APOL5: variants seen among roughly 807,000 people sequenced by gnomAD.
APOL5 encodes the protein apolipoprotein L, 5.
APOL5 carries 29 observed loss-of-function variants against 35.5 expected under a neutral mutation model. That is an observed-to-expected ratio of 0.82 (90% confidence interval 0.61 to 1.11). The LOEUF is 1.11. APOL5 is among the 50% of genes most tolerant of loss of function. APOL5 has a pLI of 0.00. For synonymous variants in APOL5, 188 were observed against 200.2 expected (o/e 0.94, Z 0.51); for missense variants, 514 against 530.4 (o/e 0.97, Z 0.30).
Position 35,724,473 on chromosome 22 carries a change from T to C in APOL5, c.143-1738T>C, listed in dbSNP as rs1444333829. Among the ~76,000 whole-genome samples, 9 of 152,278 alleles carry C rather than the reference T, an allele frequency of 5.9e-5. No individual in the cohort carries two copies. The East Asian group carries it at 9.6e-4, about 16-fold the overall frequency. Reference sequence around the variant, plus strand: ...TTTAATCAAATTGGTGACAACTTGTTATATATGTATACATTATAAATGTAT... The same window carrying C: ...TTTAATCAAATTGGTGACAACTTGTCATATATGTATACATTATAAATGTAT... On this transcript the variant is annotated intron_variant, in intron 2 of 4. Transcript: ENST00000249044.
rs1299564048 is a variant in APOL5 at position 35,727,059 on chromosome 22, G to A, written c.991G>A (p.Ala331Thr). The change falls in exon 3 of 5, where the codon GCA becomes ACA. Residue 331 changes from alanine (A) to threonine (T), a missense_variant. By Grantham distance (58) the Ala-to-Thr change is moderately conservative. This residue lies in a region of APOL5 where 238 missense variants were observed against 229.1 expected (regional missense o/e 1.04). Transcript: ENST00000249044. ...ARTETAEELR[A>T]LAKKLEQELD... ...GACGGAGACAGCAGAGGAACTGAGAGCACTTGCTAAGAAGCTGGAGCAGGA... is the reference window on the plus strand; with the variant it reads ...GACGGAGACAGCAGAGGAACTGAGAACACTTGCTAAGAAGCTGGAGCAGGA... 6.2e-7 allele frequency: 1 copy of A among 1,613,674 alleles called. No individual in the cohort carries two copies. The highest frequency in any genetic ancestry group is 8.5e-7 in the Non-Finnish European group (1 of 1,180,026).
intron 2 of APOL5, among the ~76,000 whole-genome samples, chr22:35,725,636 A>T (rs1927123780): frequency 1.3e-5 from 2 of 152,178 alleles, no homozygotes; most frequent in Admixed American, 6.5e-5. Context: ...GTTGAAGCTG[A>T]AATCATAGGA....
At chr22:35,725,571 T>TA (rs1368273931) in intron 2 of APOL5, among the ~76,000 whole-genome samples, 2 of 151,986 alleles carry the variant, frequency 1.3e-5, no homozygotes, top group African/African-American at 4.8e-5. Context: ...TTTTTTTTTT[T>TA]AAAGGATAAT....
chr22:35,720,458 C>A, intron 1 of APOL5, 110 bp from the exon 2 acceptor site: 1 of 761,022 alleles, frequency 1.3e-6, no homozygotes, highest in African/African-American at 1.8e-5. Context: ...TTTTTTTTTT[C>A]TAATTCTCCA....
At chr22:35,724,669 C>T (rs1482417815) in intron 2 of APOL5, among the ~76,000 whole-genome samples, 3 of 151,952 alleles carry the variant, frequency 2.0e-5, no homozygotes, top group Non-Finnish European at 2.9e-5. Context: ...AGTGCTATGG[C>T]GCGATCTCGG....
intron 2 of APOL5, 62 bp from the exon 3 acceptor site, chr22:35,726,149 C>T (rs551857834): frequency 1.1e-5 from 17 of 1,547,808 alleles, no homozygotes; most frequent in East Asian, 9.1e-5. Context: ...CATTGTACCT[C>T]GATTCTCAGG....
At chr22:35,725,846 T>G (rs1252598968) in intron 2 of APOL5, among the ~76,000 whole-genome samples, 2 of 152,204 alleles carry the variant, frequency 1.3e-5, no homozygotes, top group Admixed American at 6.5e-5. Context: ...TTGTGGCCTC[T>G]GGCTGAATAA....
upstream of APOL5, among the ~76,000 whole-genome samples, chr22:35,716,574 T>A (rs1926750417): frequency 6.6e-6 from 1 of 152,242 alleles, no homozygotes; most frequent in African/African-American, 2.4e-5. Context: ...TATTGGCTTT[T>A]ATTATAAAAC....
the APOL5 span, among the ~76,000 whole-genome samples, chr22:35,710,843 T>C: frequency 1.3e-5 from 2 of 152,178 alleles, no homozygotes; most frequent in Admixed American, 6.5e-5. Context: ...AGAATGTCTT[T>C]AAGGTTCATC....
At chr22:35,727,985 TAA>T (rs1453372806) in intron 3 of APOL5, among the ~76,000 whole-genome samples, 2 of 152,202 alleles carry the variant, frequency 1.3e-5, no homozygotes, top group African/African-American at 2.4e-5. Context: ...AAAGGACACA[TAA>T]GTGTTTGCCG....
chr22:35,721,743 C>T (rs1311384205), intron 2 of APOL5, among the ~76,000 whole-genome samples: 2 of 152,126 alleles, frequency 1.3e-5, no homozygotes, highest in East Asian at 3.9e-4. Context: ...ATCCAAGCTC[C>T]TGGGACTTCC....
At chr22:35,717,231 A>T (rs1159196282), upstream of APOL5, among the ~76,000 whole-genome samples, 5 of 47,552 alleles carry the variant, frequency 1.1e-4, no homozygotes, top group Non-Finnish European at 2.0e-4. Context: ...ACAAAAAAAA[A>T]AAAAATATAT....
intron 2 of APOL5, among the ~76,000 whole-genome samples, chr22:35,724,756 G>T (rs531560717): frequency 6.6e-6 from 1 of 151,796 alleles, no homozygotes; most frequent in Non-Finnish European, 1.5e-5. Flanking sequence ...GACTACAGGC[G>T]CCCACTACCG....
the APOL5 span, among the ~76,000 whole-genome samples, chr22:35,709,945 A>T: frequency 1.3e-5 from 2 of 151,608 alleles, no homozygotes; most frequent in African/African-American, 4.9e-5. Flanking sequence ...TCTCTGTTTT[A>T]TGCTCTTGCA....
intron 1 of APOL5, among the ~76,000 whole-genome samples, chr22:35,719,470 G>C (rs1315888006): frequency 6.6e-6 from 1 of 152,250 alleles, no homozygotes; most frequent in African/African-American, 2.4e-5. Context: ...TGGACAGAAT[G>C]AGCGTTCACT....
At chr22:35,722,645 G>C (rs184612112) in intron 2 of APOL5, among the ~76,000 whole-genome samples, 98 of 152,242 alleles carry the variant, frequency 6.4e-4, no homozygotes, top group Admixed American at 1.4e-3. Flanking sequence ...TTGTAATCAG[G>C]GAATGTCCCT....
chr22:35,721,106 C>T (rs1044095296), intron 2 of APOL5, among the ~76,000 whole-genome samples: 5 of 152,114 alleles, frequency 3.3e-5, no homozygotes, highest in Non-Finnish European at 7.4e-5. Flanking sequence ...TCTGTAGCCA[C>T]CTTCATAGGA....
Position 35,726,525 on chromosome 22 carries a change from A to G in APOL5, c.457A>G (p.Ile153Val), listed in dbSNP as rs1927164725. Residue 153 changes from isoleucine to valine, a missense_variant, in exon 3 of 5, where the codon ATC becomes GTC. Ile to Val is a conservative substitution (Grantham distance 29, BLOSUM62 3). Around this residue, in one of 3 missense-constraint regions of APOL5, gnomAD observed 254 missense variants for 254.7 expected, o/e 1.00. Coordinates refer to ENST00000249044, the MANE Select transcript of APOL5 (RefSeq NM_030642.1). The part of the protein sequence containing the change: ...SSGAVSGVMN[I>V]LGLALAPVTA... ...CGGGGCTGTTTCTGGGGTCATGAAC[A>G]TCCTGGGTTTGGCCCTAGCACCTGT... 15 of 1,614,194 alleles carry G rather than the reference A, an allele frequency of 9.3e-6. No homozygotes were observed. The highest frequency in any genetic ancestry group is 1.2e-5 in the Non-Finnish European group (14 of 1,180,034).
chr22:35,710,512 T>C, the APOL5 span, among the ~76,000 whole-genome samples: 11 of 136,662 alleles, frequency 8.0e-5, no homozygotes, highest in South Asian at 5.2e-4. Context: ...CACACACACA[T>C]ATATATATAT....
Sources: allele counts gnomAD v4.1 joint callset (sites outside exome capture counted in the v4.1 genomes callset), GRCh38; gene constraint gnomAD v4.1.1; regional missense constraint gnomAD v4.1.1; transcripts MANE v1.5; gene names NCBI Gene and HGNC (gene_info 2026-07-23, HGNC 2026-07-21).